The following CMSS1 variants were observed in gnomAD, a reference collection of about 807,000 sequenced individuals.
The protein encoded by CMSS1 is cms1 ribosomal small subunit homolog, also known as protein CMSS1.
In CMSS1, 33 loss-of-function variants were observed where a neutral mutation model predicts 43.5. The ratio of observed to expected loss-of-function variants is 0.76; its 90% CI spans 0.57 to 1.01. The LOEUF is 1.01. Among genes scored for constraint, CMSS1 ranks in the 50% least tolerant of loss-of-function variants. The pLI is 0.00. For missense variants in CMSS1, 313 were observed against 326.4 expected (o/e 0.96, Z 0.32); for synonymous variants, 115 against 117.2 (o/e 0.98, Z 0.12).
At chr3:100,116,496 A>G (rs1344059591) in intron 1 of CMSS1, among the ~76,000 whole-genome samples, 1 of 152,134 alleles carries the variant, frequency 6.6e-6, no homozygotes, top group Non-Finnish European at 1.5e-5. Flanking sequence ...CCAACTCTGG[A>G]ATTAGCCATA....
rs148315601 is a variant in CMSS1, at chr3:100,097,511, A to C, written c.65-49462A>C. Among the ~76,000 whole-genome samples the C allele has an allele frequency of 7.7e-4, 118 of 152,292 alleles. 4 individuals are homozygous for C. The East Asian group carries it at 0.014, about 18-fold the overall frequency. ...GTATTCTAATCCACGAACACAGTAT[A>C]TCTCTCTATTTTTAGATATTTGATG... is the stretch of plus-strand genomic sequence containing the variant. On this transcript the variant is annotated intron_variant, in intron 1 of 9. Coordinates refer to ENST00000421999, the MANE Select transcript of CMSS1 (RefSeq NM_032359.4).
At chr3:100,118,868 C>A (rs1281273899) in intron 1 of CMSS1, among the ~76,000 whole-genome samples, 2 of 152,150 alleles carry the variant, frequency 1.3e-5, no homozygotes, top group African/African-American at 4.8e-5. Flanking sequence ...ATAAACAGAA[C>A]ACATTCTCTA....
intron 1 of CMSS1, among the ~76,000 whole-genome samples, chr3:99,871,774 C>G (rs1191079530): frequency 1.3e-5 from 2 of 152,204 alleles, no homozygotes; most frequent in African/African-American, 4.8e-5. Context: ...CCACAGAGTA[C>G]ACAGTCTTTC....
chr3:99,983,464 GTATATATATATATATA>G (rs1191587665), intron 1 of CMSS1, among the ~76,000 whole-genome samples: 13 of 12,676 alleles, frequency 1.0e-3, no homozygotes, highest in Non-Finnish European at 1.5e-3. Flanking sequence ...ATATATGTGT[GTATATATATATATATA>G]TATATATATA....
At chr3:99,907,209 G>T (rs1482756527) in intron 1 of CMSS1, among the ~76,000 whole-genome samples, 1 of 152,006 alleles carries the variant, frequency 6.6e-6, no homozygotes, top group African/African-American at 2.4e-5. Flanking sequence ...ATGGAATGGT[G>T]TGGAATAGTT....
At chr3:99,991,002 C>T (rs956223772) in intron 1 of CMSS1, among the ~76,000 whole-genome samples, 14 of 152,052 alleles carry the variant, frequency 9.2e-5, no homozygotes, top group African/African-American at 3.4e-4. Flanking sequence ...TACAGGTGCT[C>T]CAGAAATATC....
rs970595275 is a variant in CMSS1, at chr3:100,147,035, C to T, written c.127C>T (p.Pro43Ser). ...GATGCAGCAGGAGACAGTTCCAGTT[C>T]CTGTACCTTCAGAGAAAACCAAACA... ...EVMQQETVPV[P>S]VPSEKTKQPK... is the part of the protein sequence containing the mutation. Residue 43 changes from proline to serine, a missense_variant, in exon 2 of 10, where the codon CCT becomes TCT. Physicochemically the swap from Pro to Ser is moderately conservative, Grantham distance 74 (BLOSUM62 -1). Transcript: ENST00000421999. 1.2e-6 allele frequency: 2 copies of T among 1,613,928 alleles called. No homozygotes were observed. Among genetic ancestry groups the T allele is most frequent in the African/African-American group, 1.3e-5 (1 of 75,018 alleles).
intron 1 of CMSS1, among the ~76,000 whole-genome samples, chr3:99,926,693 A>G (rs533054779): frequency 6.6e-6 from 1 of 152,382 alleles, no homozygotes; most frequent in African/African-American, 2.4e-5. Flanking sequence ...TCTAAATCCA[A>G]AAACAGTATT....
intron 1 of CMSS1, among the ~76,000 whole-genome samples, chr3:99,940,816 G>C (rs1208852281): frequency 6.6e-6 from 1 of 152,176 alleles, no homozygotes; most frequent in East Asian, 1.9e-4. Flanking sequence ...AGGACCTTGA[G>C]GTAAACAGGT....
chr3:100,169,986 C>T (rs1044513078), intron 6 of CMSS1, among the ~76,000 whole-genome samples: 1 of 152,184 alleles, frequency 6.6e-6, no homozygotes, highest in Non-Finnish European at 1.5e-5. Flanking sequence ...CCCAGTAATA[C>T]TATGATCCAT....
intron 1 of CMSS1, among the ~76,000 whole-genome samples, chr3:100,139,711 C>T (rs1037420810): frequency 6.7e-6 from 1 of 149,744 alleles, no homozygotes; most frequent in Non-Finnish European, 1.5e-5. Context: ...GCAGGAGAAT[C>T]GCTTGAACCC....
intron 1 of CMSS1, among the ~76,000 whole-genome samples, chr3:99,913,382 A>G (rs1392399443): frequency 2.6e-5 from 4 of 152,248 alleles, no homozygotes; most frequent in African/African-American, 9.6e-5. Context: ...TTTTGATTAA[A>G]GTTATCGTAG....
intron 1 of CMSS1, among the ~76,000 whole-genome samples, chr3:99,953,340 TAAGG>T (rs1471229002): frequency 6.6e-6 from 1 of 152,178 alleles, no homozygotes; most frequent in Non-Finnish European, 1.5e-5. Flanking sequence ...AATGAAATTC[TAAGG>T]AAGTAGAATT....
At chr3:99,900,740 G>A (rs754922735) in intron 1 of CMSS1, among the ~76,000 whole-genome samples, 1 of 152,186 alleles carries the variant, frequency 6.6e-6, no homozygotes, top group Non-Finnish European at 1.5e-5. Context: ...TGAGCTGCAC[G>A]TTGGAACTAC....
intron 1 of CMSS1, among the ~76,000 whole-genome samples, chr3:99,994,429 A>G (rs954175202): frequency 6.6e-6 from 1 of 152,224 alleles, no homozygotes; most frequent in Non-Finnish European, 1.5e-5. Context: ...TAACTACAGA[A>G]CATATATTTT....
intron 1 of CMSS1, among the ~76,000 whole-genome samples, chr3:100,056,779 C>G (rs371445285): frequency 6.6e-6 from 1 of 151,672 alleles, no homozygotes; most frequent in Non-Finnish European, 1.5e-5. Context: ...GCAGGCCGGG[C>G]GGATCACGAG....
intron 1 of CMSS1, among the ~76,000 whole-genome samples, chr3:100,004,341 C>T (rs972259281): frequency 1.3e-5 from 2 of 152,112 alleles, no homozygotes; most frequent in Non-Finnish European, 2.9e-5. Flanking sequence ...AACATATCTT[C>T]TATTCTCTGT....
At chr3:99,969,714 C>T (rs1313284478) in intron 1 of CMSS1, among the ~76,000 whole-genome samples, 1 of 151,982 alleles carries the variant, frequency 6.6e-6, no homozygotes, top group Non-Finnish European at 1.5e-5. Context: ...AGGAAGCAGC[C>T]CCACTAGATA....
intron 1 of CMSS1, among the ~76,000 whole-genome samples, chr3:99,929,572 T>G (rs1576580096): frequency 6.7e-6 from 1 of 150,218 alleles, no homozygotes; most frequent in East Asian, 2.0e-4. Context: ...ATGTGTGTGT[T>G]TGTGTGTGTA....
Sources: allele counts gnomAD v4.1 joint callset (sites outside exome capture counted in the v4.1 genomes callset), GRCh38; gene constraint gnomAD v4.1.1; transcripts MANE v1.5; gene names NCBI Gene and HGNC (gene_info 2026-07-23, HGNC 2026-07-21).